GPR21: variants seen among roughly 807,000 people sequenced by gnomAD.
GPR21 encodes the protein probable G protein-coupled receptor 21.
A neutral mutation model predicts 21.5 loss-of-function variants in GPR21; 9 were observed. That is an observed-to-expected ratio of 0.42 (90% CI 0.25 to 0.73). GPR21 has a LOEUF of 0.73. Among genes scored for constraint, GPR21 ranks in the 30% least tolerant of loss-of-function variants. GPR21 has a pLI of 0.27. For synonymous variants in GPR21, 169 were observed against 159.3 expected (o/e 1.06, Z -0.46); for missense variants, 416 against 428.9 (o/e 0.97, Z 0.27).
chr9:123,044,067 G>GC, the GPR21 span, among the ~76,000 whole-genome samples: 2 of 150,526 alleles, frequency 1.3e-5, no homozygotes, highest in Admixed American at 6.6e-5. Flanking sequence ...TGCATGGCTA[G>GC]TTTTTTTTTG....
At chr9:123,045,684 G>A in the GPR21 span, among the ~76,000 whole-genome samples, 1 of 152,108 alleles carries the variant, frequency 6.6e-6, no homozygotes, top group Non-Finnish European at 1.5e-5. Flanking sequence ...TATGTTAATA[G>A]TAAGGCTTTT....
chr9:123,041,101 G>A, the GPR21 span, among the ~76,000 whole-genome samples: 27 of 152,296 alleles, frequency 1.8e-4, no homozygotes, highest in East Asian at 4.6e-3. Context: ...AGAAGTATGA[G>A]CAATAATATA....
At chr9:123,038,062 T>A (rs2032759055), downstream of GPR21, among the ~76,000 whole-genome samples, 1 of 152,184 alleles carries the variant, frequency 6.6e-6, no homozygotes, top group African/African-American at 2.4e-5. Flanking sequence ...ACTGATGTTA[T>A]ATTTGTAAAC....
chr9:123,042,652 A>G, the GPR21 span, among the ~76,000 whole-genome samples: 3 of 152,346 alleles, frequency 2.0e-5, no homozygotes, highest in African/African-American at 7.2e-5. Flanking sequence ...ACAAAAAGGC[A>G]GAGAGACAGA....
chr9:123,039,484 G>A (rs2032846695), downstream of GPR21, among the ~76,000 whole-genome samples: 2 of 152,218 alleles, frequency 1.3e-5, no homozygotes, highest in East Asian at 1.9e-4. Context: ...CCTTCTGTAA[G>A]GTATTATAGG....
chr9:123,035,657 TGTGTGTG>T lies in GPR21; in HGVS notation c.*42_*48del. 1.2e-6 allele frequency: 1 copy of T among 828,240 alleles called. No homozygotes were observed. Among genetic ancestry groups the T allele is most frequent in the Non-Finnish European group, 1.9e-6 (1 of 528,696 alleles). 51.3% of individuals were successfully genotyped at this position (828,240 alleles called of 1,614,324 possible). On this transcript the variant is annotated 3_prime_UTR_variant, in exon 2 of 2. Transcript: ENST00000616002. Reference sequence around the variant, plus strand: ...GGGTTCCCGTGTGTGTGTGTGTGTGTGTGTGTGTGTGTGTGTGTGTGTGTGTATTTTA... The same window carrying T: ...GGGTTCCCGTGTGTGTGTGTGTGTGTTGTGTGTGTGTGTGTGTGTATTTTA...
the GPR21 span, among the ~76,000 whole-genome samples, chr9:123,045,482 A>G: frequency 6.6e-6 from 1 of 152,202 alleles, no homozygotes; most frequent in South Asian, 2.1e-4. Context: ...TATATCATTA[A>G]CATCATTTTA....
At chr9:123,044,853 C>T in the GPR21 span, among the ~76,000 whole-genome samples, 42 of 152,228 alleles carry the variant, frequency 2.8e-4, no homozygotes, top group Middle Eastern at 3.4e-3. Context: ...TGATTCCTCT[C>T]CTCACCCCAG....
In GPR21 at chr9:123,034,233, A is replaced by G. The variant is rs191232544; in HGVS notation, c.-334A>G. The G allele has an allele frequency of 2.1e-4, 70 of 340,352 alleles. 1 individual carries two copies. In the East Asian group the frequency reaches 3.5e-3, roughly 17 times the overall value. 21.1% of individuals were successfully genotyped at this position (340,352 alleles called of 1,614,324 possible). On this transcript the variant is annotated 5_prime_UTR_variant, in exon 2 of 2. Coordinates refer to ENST00000616002, the MANE Select transcript of GPR21 (RefSeq NM_005294.3). ...TCCTAATCTTCTTCCCTTCTCTTCT[A>G]CCCTTTCCCCCTACCCTCACTTGGC...
At chr9:123,036,554 T>A (rs908150322), downstream of GPR21, among the ~76,000 whole-genome samples, 1 of 152,180 alleles carries the variant, frequency 6.6e-6, no homozygotes, top group Non-Finnish European at 1.5e-5. Context: ...TCTGAAATAT[T>A]AGAACATCAG....
At chr9:123,044,955 G>C in the GPR21 span, among the ~76,000 whole-genome samples, 4 of 152,048 alleles carry the variant, frequency 2.6e-5, no homozygotes, top group Admixed American at 2.0e-4. Flanking sequence ...GTAATGAAGT[G>C]ATCTACAATT....
chr9:123,034,146 A>G (rs2032471107), intron 1 of GPR21, 25 bp from the exon 2 acceptor site: 1 of 180,794 alleles, frequency 5.5e-6, no homozygotes, highest in Admixed American at 5.8e-5. Flanking sequence ...GAAATGTAAA[A>G]TGCTCTCTCC....
downstream of GPR21, among the ~76,000 whole-genome samples, chr9:123,039,053 T>C (rs571211364): frequency 6.6e-6 from 1 of 152,282 alleles, no homozygotes; most frequent in East Asian, 1.9e-4. Context: ...GAAAGTACTT[T>C]GTAAATTGTA....
rs2032577329 is a variant in GPR21 at position 123,035,367 on chromosome 9, A to G, written c.801A>G (p.Pro267=). ...GTGTATTTTACATCCTCTGGTTGCCATATATCATCTACTTCTTGTTGGAAA... is the reference window on the plus strand; with the variant it reads ...GTGTATTTTACATCCTCTGGTTGCCGTATATCATCTACTTCTTGTTGGAAA... ...ITSVFYILWL[P]YIIYFLLESS... is the part of the protein sequence containing the mutation. The change falls in exon 2 of 2, where the codon CCA becomes CCG. Residue 267 remains proline, a synonymous_variant. Coordinates refer to ENST00000616002, the MANE Select transcript of GPR21 (RefSeq NM_005294.3). The G allele has an allele frequency of 3.7e-6, 6 of 1,614,022 alleles. No individual in the cohort carries two copies. Among genetic ancestry groups the G allele is most frequent in the East Asian group, 2.2e-5 (1 of 44,892 alleles).
the GPR21 span, among the ~76,000 whole-genome samples, chr9:123,048,240 A>G: frequency 6.6e-6 from 1 of 152,118 alleles, no homozygotes; most frequent in Non-Finnish European, 1.5e-5. Flanking sequence ...TGCCCAATCA[A>G]CTGCTGTATA....
At position 123,035,320 on chromosome 9, in the gene GPR21, A is replaced by G. The variant is rs762241602; in HGVS notation, c.754A>G (p.Met252Val). The part of the protein sequence containing the change: ...VQACPDKRYA[M>V]VLFRITSVFY... ...GGCCTGTCCTGATAAGCGCTATGCC[A>G]TGGTCCTGTTTCGAATCACTAGTGT... The change falls in exon 2 of 2, where the codon ATG becomes GTG. Residue 252 changes from methionine (M) to valine (V), a missense_variant. Transcript: ENST00000616002. 1.2e-5 allele frequency: 19 copies of G among 1,614,170 alleles called. No individual in the cohort carries two copies. The South Asian group carries it at 2.0e-4, about 17-fold the overall frequency.
At chr9:123,036,489 T>C (rs2032668725), downstream of GPR21, among the ~76,000 whole-genome samples, 1 of 152,258 alleles carries the variant, frequency 6.6e-6, no homozygotes, top group African/African-American at 2.4e-5. Context: ...TTTATAATGG[T>C]GACTATATAC....
downstream of GPR21, chr9:123,035,825 C>G (rs890201763): frequency 8.3e-6 from 4 of 483,828 alleles, no homozygotes; most frequent in African/African-American, 5.9e-5. Context: ...AATTAGAAGA[C>G]TCAAGATCAT....
Position 123,034,913 on chromosome 9 carries a change from C to T in GPR21, c.347C>T (p.Ser116Phe). 3 of 1,613,160 alleles carry T rather than the reference C, an allele frequency of 1.9e-6. No homozygotes were observed. Among genetic ancestry groups the T allele is most frequent in the Non-Finnish European group, 2.5e-6 (3 of 1,179,210 alleles). Reference sequence around the variant, plus strand: ...GTAGTATCAGTTCTGAAGAGCGTCTCCATGGCTTCTCTGGCCTGTATCAGC... The same window carrying T: ...GTAGTATCAGTTCTGAAGAGCGTCTTCATGGCTTCTCTGGCCTGTATCAGC... ...GFVVSVLKSV[S>F]MASLACISID... The change falls in exon 2 of 2, where the codon TCC (serine) becomes TTC (phenylalanine). Residue 116 changes from serine (S) to phenylalanine (F), a missense_variant. Coordinates refer to ENST00000616002, the MANE Select transcript of GPR21 (RefSeq NM_005294.3).
Sources: allele counts gnomAD v4.1 joint callset (sites outside exome capture counted in the v4.1 genomes callset), GRCh38; gene constraint gnomAD v4.1.1; transcripts MANE v1.5; gene names NCBI Gene and HGNC (gene_info 2026-07-23, HGNC 2026-07-21).